The following ZDHHC22 variants were observed in gnomAD, a reference collection of about 807,000 sequenced individuals.
The protein encoded by ZDHHC22 is palmitoyltransferase ZDHHC22.
In ZDHHC22, 13 loss-of-function variants were observed where a neutral mutation model predicts 17.0. The ratio of observed to expected loss-of-function variants is 0.76; its 90% CI spans 0.50 to 1.21. ZDHHC22 has a LOEUF of 1.21. ZDHHC22 is among the 50% of genes most tolerant of loss of function. The probability of loss-of-function intolerance (pLI) is 0.00; values close to 1 mark genes in which losing one functional copy is unlikely to be tolerated. For synonymous variants in ZDHHC22, 138 were observed against 154.7 expected, an observed-to-expected ratio of 0.89 and a Z score of 0.80; for missense variants, 319 against 342.3, an observed-to-expected ratio of 0.93 and a Z score of 0.54.
rs886529318 is a variant in ZDHHC22, at chr14:77,132,518, C to T, written c.*1165G>A. The T allele has an allele frequency of 1.3e-5, 2 of 152,188 alleles. No individual in the cohort carries two copies. Among genetic ancestry groups the T allele is most frequent in the Admixed American group, 6.5e-5 (1 of 15,288 alleles). The allele number at this position is 152,188 out of a possible 1,614,324, so 9.4% of individuals were successfully genotyped here. A position where few individuals can be genotyped will look rare whatever the true frequency, so the allele number is the denominator to read the frequency against. ...AGCAATCACAACCAGGACATCAGAA[C>T]CTTGGGGTTGGAAGGAATGTGTAAG... On this transcript the variant is annotated 3_prime_UTR_variant, in exon 3 of 3. Coordinates refer to ENST00000319374, the MANE Select transcript of ZDHHC22 (RefSeq NM_174976.2).
At chr14:77,139,065 T>G in intron 2 of ZDHHC22, 148 bp downstream of exon 2, 1 of 929,722 alleles carries the variant, frequency 1.1e-6, no homozygotes, top group Non-Finnish European at 1.6e-6. Flanking sequence ...AATTATGAGT[T>G]GTTTATCTGA....
rs984564544 is a variant in ZDHHC22 at position 77,140,391 on chromosome 14, G to A, written c.-14-639C>T. ...CTGTGACTCTGTACGTGTAATCTGT[G>A]TGCGCTTGAGTATCTGTATTTGTGT... On this transcript the variant is annotated intron_variant, in intron 1 of 2. Transcript: ENST00000319374. This position sits in a 1 kb window ranked among gnomAD's most constrained non-coding sequence, Gnocchi z 5.9. Among the ~76,000 whole-genome samples the A allele has an allele frequency of 6.6e-6, 1 of 152,168 alleles. No individual in the cohort carries two copies. The highest frequency in any genetic ancestry group is 1.5e-5 in the Non-Finnish European group (1 of 68,034).
At position 77,133,884 on chromosome 14, in the gene ZDHHC22, C is replaced by A. The variant is rs767158366; in HGVS notation, c.591G>T (p.Leu197=). The change falls in exon 3 of 3, where the codon CTG becomes CTT. Residue 197 remains leucine (L), a synonymous_variant. Coordinates refer to ENST00000319374, the MANE Select transcript of ZDHHC22 (RefSeq NM_174976.2). Reference sequence around the variant, plus strand: ...GGTGGCAGCAGAAGCCGGCGCAGGCCAGGCCGATGGCGAACCAGAGGTAGA... The same window carrying A: ...GGTGGCAGCAGAAGCCGGCGCAGGCAAGGCCGATGGCGAACCAGAGGTAGA... ...LMLYLWFAIG[L]ACAGFCCHQL... 1 of 1,612,668 alleles carries A rather than the reference C, an allele frequency of 6.2e-7. No homozygotes were observed. Among genetic ancestry groups the A allele is most frequent in the Non-Finnish European group, 8.5e-7 (1 of 1,179,284 alleles).
Position 77,133,922 on chromosome 14 carries a change from C to A in ZDHHC22, c.553G>T (p.Val185Phe). 1 of 1,605,424 alleles carries A rather than the reference C, an allele frequency of 6.2e-7. No homozygotes were observed. Among genetic ancestry groups the A allele is most frequent in the Non-Finnish European group, 8.5e-7 (1 of 1,175,524 alleles). ...SGAVLGSEMF[V>F]ILMLYLWFAI... ...AACCAGAGGTAGAGCATGAGGATGA[C>A]GAACATTTCAGAACCCAGGACAGCT... The change falls in exon 3 of 3, where the codon GTC becomes TTC. Residue 185 changes from valine (V) to phenylalanine (F), a missense_variant. Physicochemically the swap from Val to Phe is conservative, Grantham distance 50. Coordinates refer to ENST00000319374, the MANE Select transcript of ZDHHC22 (RefSeq NM_174976.2).
chr14:77,139,877 G>T (rs1463960780), intron 1 of ZDHHC22, 125 bp from the exon 2 acceptor site: 3 of 1,052,414 alleles, frequency 2.9e-6, no homozygotes, highest in Non-Finnish European at 3.9e-6. Flanking sequence ...CCCCTGTCCC[G>T]CGGATTTCCC....
intron 2 of ZDHHC22, among the ~76,000 whole-genome samples, chr14:77,134,664 G>T (rs554372933): frequency 1.3e-5 from 2 of 152,256 alleles, no homozygotes; most frequent in African/African-American, 4.8e-5. Flanking sequence ...CGTGGGGCAG[G>T]ATCTCCCCAG....
rs745323572 is a variant in ZDHHC22, at chr14:77,133,788, G to A, written c.687C>T (p.Pro229=). 5.2e-5 allele frequency: 84 copies of A among 1,613,902 alleles called. No homozygotes were observed. Among genetic ancestry groups the A allele is most frequent in the Non-Finnish European group, 6.4e-5 (75 of 1,179,912 alleles). The change falls in exon 3 of 3, where the codon CCC becomes CCT. Residue 229 remains proline (P), a synonymous_variant. Coordinates refer to ENST00000319374, the MANE Select transcript of ZDHHC22 (RefSeq NM_174976.2). ...AGACCTCTTGTAAGTTCTTGCGCCA[G>A]GGCCGGGCCCTCACTGCCACCCCCT... ...VRKGVAVRAR[P]WRKNLQEVFG...
chr14:77,139,306 C>T lies in ZDHHC22; in HGVS notation c.433G>A (p.Val145Met), dbSNP rs1426907360. ...LACLYSMVAG[V>M]AYISAVLSIS... is the part of the protein sequence containing the mutation. ...GAAAGGACAGCGGAGATGTAGGCCA[C>T]GCCGGCCACCATGGAGTAGAGGCAG... Residue 145 changes from valine (V) to methionine (M), a missense_variant, in exon 2 of 3, where the codon GTG becomes ATG. Transcript: ENST00000319374. 8.1e-6 allele frequency: 13 copies of T among 1,599,344 alleles called. No individual in the cohort carries two copies. Among genetic ancestry groups the T allele is most frequent in the African/African-American group, 2.7e-5 (2 of 74,696 alleles).
chr14:77,141,796 G>A (rs1227715639), upstream of ZDHHC22: 2 of 152,296 alleles, frequency 1.3e-5, no homozygotes, highest in Non-Finnish European at 2.9e-5. Context: ...GTAAGGGCCA[G>A]GAAGCGGCGG....
intron 1 of ZDHHC22, chr14:77,141,342 G>C (rs777522617): frequency 2.6e-5 from 4 of 152,584 alleles, no homozygotes; most frequent in Non-Finnish European, 5.9e-5. Flanking sequence ...CGCTCGGCAG[G>C]CAGCCTCAGC....
intron 2 of ZDHHC22, among the ~76,000 whole-genome samples, chr14:77,137,758 C>T (rs891208123): frequency 1.3e-5 from 2 of 152,328 alleles, no homozygotes; most frequent in African/African-American, 4.8e-5. Flanking sequence ...GTAGCCACCA[C>T]AAAGACTGAA....
chr14:77,139,746 T>C lies in ZDHHC22; in HGVS notation c.-8A>G. The C allele has an allele frequency of 2.0e-6, 3 of 1,485,140 alleles. No homozygotes were observed. Among genetic ancestry groups the C allele is most frequent in the Non-Finnish European group, 2.7e-6 (3 of 1,118,048 alleles). The allele number at this position is 1,485,140 out of a possible 1,614,324, so 92.0% of individuals were successfully genotyped here. On this transcript the variant is annotated 5_prime_UTR_variant, in exon 2 of 3. It removes the in-frame stop codon of an upstream open reading frame in the 5' UTR. Transcript: ENST00000319374. The stretch of plus-strand genomic sequence containing the variant: ...CAGCCGCAGGGCCAGCATCCTCGAT[T>C]ACATTCCTGCGGGGCCCGGGGTGAG...
chr14:77,140,291 C>T lies in ZDHHC22; in HGVS notation c.-14-539G>A, dbSNP rs1887227707. On this transcript the variant is annotated intron_variant, in intron 1 of 2. Transcript: ENST00000319374. The surrounding 1 kb of genome is among the most constrained non-coding windows in gnomAD (Gnocchi z 5.9). ...ACACATCTTGGGCAGCACTCAGGGA[C>T]CTCACCAGGTTACCCAAGGCTCTTT... is the stretch of plus-strand genomic sequence containing the variant. 6.6e-6 allele frequency among the ~76,000 whole-genome samples: 1 copy of T among 152,128 alleles called. No homozygotes were observed. Among genetic ancestry groups the T allele is most frequent in the Admixed American group, 6.5e-5 (1 of 15,284 alleles).
In ZDHHC22 at chr14:77,132,650, A is replaced by T. The variant is rs762474758; in HGVS notation, c.*1033T>A. The T allele has an allele frequency of 3.9e-5, 6 of 152,138 alleles. No homozygotes were observed. The highest frequency in any genetic ancestry group is 7.3e-5 in the Non-Finnish European group (5 of 68,032). The allele number at this position is 152,138 out of a possible 1,614,324, so 9.4% of individuals were successfully genotyped here. ...CAGTGATGGGGCACTCACTACCTTC[A>T]CAGGCAGCCATTCAAACATTGAAGA... is the stretch of plus-strand genomic sequence containing the variant. On this transcript the variant is annotated 3_prime_UTR_variant, in exon 3 of 3. Transcript: ENST00000319374.
intron 2 of ZDHHC22, among the ~76,000 whole-genome samples, chr14:77,135,729 A>G (rs540662198): frequency 6.6e-6 from 1 of 152,238 alleles, no homozygotes; most frequent in Non-Finnish European, 1.5e-5. Flanking sequence ...TGAGAACATC[A>G]GAGCTGTCAA....
At chr14:77,139,995 G>A (rs1010169922) in intron 1 of ZDHHC22, among the ~76,000 whole-genome samples, 3 of 152,320 alleles carry the variant, frequency 2.0e-5, no homozygotes, top group African/African-American at 4.8e-5. Context: ...TTTTGAGCGA[G>A]CTCGGCGCCT....
rs1320952103 is a variant in ZDHHC22, at chr14:77,131,681, A to G, written c.*2002T>C. 6.6e-6 allele frequency: 1 copy of G among 152,088 alleles called. No individual in the cohort carries two copies. Among genetic ancestry groups the G allele is most frequent in the Non-Finnish European group, 1.5e-5 (1 of 68,020 alleles). 9.4% of individuals were successfully genotyped at this position (152,088 alleles called of 1,614,324 possible). ...TCTCTATCACATTCTTTATTTCCAA[A>G]TGACCTGCCCCACCAACCACCAAGA... On this transcript the variant is annotated 3_prime_UTR_variant, in exon 3 of 3. Transcript: ENST00000319374.
intron 2 of ZDHHC22, among the ~76,000 whole-genome samples, chr14:77,138,071 A>C (rs74069084): frequency 6.6e-6 from 1 of 152,124 alleles, no homozygotes; most frequent in Non-Finnish European, 1.5e-5. Context: ...ATACATGCAC[A>C]CTCAAGCACG....
intron 2 of ZDHHC22, among the ~76,000 whole-genome samples, chr14:77,134,158 G>A (rs1887091579): frequency 6.6e-6 from 1 of 152,216 alleles, no homozygotes; most frequent in African/African-American, 2.4e-5. Flanking sequence ...TGGCACCTGA[G>A]GCAAGAGGGG....
Sources: gnomAD v4.1 joint callset for allele counts (sites outside exome capture counted in the v4.1 genomes callset) on GRCh38, gnomAD v4.1.1 for gene constraint, Gnocchi (gnomAD v3.1) non-coding constraint, MANE v1.5 for transcripts, NCBI Gene and HGNC (gene_info 2026-07-23, HGNC 2026-07-21) for gene names.